INAFM1: variants seen among roughly 807,000 people sequenced by gnomAD.
INAFM1 encodes the protein InaF motif containing 1.
A neutral mutation model predicts 9.4 loss-of-function variants in INAFM1; 11 were observed. The observed-to-expected ratio is 1.17, with a 90% CI of 0.74 to 1.94. The LOEUF is 1.94. Ranked by LOEUF, INAFM1 falls within the 30% of genes most tolerant of loss-of-function variation. INAFM1 has a pLI of 0.00. For synonymous variants in INAFM1, 161 were observed against 109.5 expected (o/e 1.47, Z -2.94); for missense variants, 318 against 221.6 (o/e 1.44, Z -2.76).
chr19:47,275,022 G>A lies in INAFM1; in HGVS notation c.103G>A (p.Ala35Thr), dbSNP rs1055395072. 6 of 1,486,036 alleles carry A rather than the reference G, an allele frequency of 4.0e-6. No homozygotes were observed. The African/African-American group carries it at 7.3e-5, about 18-fold the overall frequency. 92.1% of individuals were successfully genotyped at this position (1,486,036 alleles called of 1,614,324 possible). The change falls in exon 1 of 1, where the codon GCC becomes ACC. Residue 35 changes from alanine (A) to threonine (T), a missense_variant. By Grantham distance (58) the Ala-to-Thr change is moderately conservative. Coordinates refer to ENST00000552360, the MANE Select transcript of INAFM1 (RefSeq NM_178511.6). ...GRWLRLAPVCAYFLCVSLAAV... is the reference protein window; with the variant it reads ...GRWLRLAPVCTYFLCVSLAAV... Reference sequence around the variant, plus strand: ...CTGGCTGCGCTTGGCTCCGGTATGCGCCTACTTCCTCTGCGTCTCGCTAGC... The same window carrying A: ...CTGGCTGCGCTTGGCTCCGGTATGCACCTACTTCCTCTGCGTCTCGCTAGC...
chr19:47,275,563 A>G lies in INAFM1; in HGVS notation c.*215A>G, dbSNP rs1280161232. Reference sequence around the variant, plus strand: ...TGGTCAGGCCGGGTCCTCCACCATCAGGAAGATCCCATCCTGAGCTCTGTC... The same window carrying G: ...TGGTCAGGCCGGGTCCTCCACCATCGGGAAGATCCCATCCTGAGCTCTGTC... On this transcript the variant is annotated 3_prime_UTR_variant, in exon 1 of 1. Transcript: ENST00000552360. 6.5e-6 allele frequency: 4 copies of G among 615,498 alleles called. No individual in the cohort carries two copies. The highest frequency in any genetic ancestry group is 6.8e-5 in the East Asian group (2 of 29,400). The allele number at this position is 615,498 out of a possible 1,614,324, so 38.1% of individuals were successfully genotyped here.
Position 47,275,245 on chromosome 19 carries a change from T to G in INAFM1, c.326T>G (p.Leu109Arg). The G allele has an allele frequency of 6.5e-7, 1 of 1,537,100 alleles. No individual in the cohort carries two copies. The highest frequency in any genetic ancestry group is 8.8e-7 in the Non-Finnish European group (1 of 1,141,940). ...VPGGPRPQLQ[L>R]PLSRRRRYSD... ...GGCGGGCCGCGACCCCAGCTCCAGC[T>G]GCCGCTGAGCCGCCGCCGCCGCTAC... Residue 109 changes from leucine (L) to arginine (R), a missense_variant, in exon 1 of 1, where the codon CTG (leucine) becomes CGG (arginine). By Grantham distance (102) the Leu-to-Arg change is moderately radical. Coordinates refer to ENST00000552360, the MANE Select transcript of INAFM1 (RefSeq NM_178511.6).
Position 47,275,528 on chromosome 19 carries a change from A to G in INAFM1, c.*180A>G. On this transcript the variant is annotated 3_prime_UTR_variant, in exon 1 of 1. Coordinates refer to ENST00000552360, the MANE Select transcript of INAFM1 (RefSeq NM_178511.6). ...GTCAGCTCGGGGCCTTGCCTCTTGC[A>G]GCTACTCTGTGGTCAGGCCGGGTCC... 1.2e-6 allele frequency: 1 copy of G among 834,622 alleles called. No individual in the cohort carries two copies. Among genetic ancestry groups the G allele is most frequent in the Non-Finnish European group, 1.8e-6 (1 of 557,586 alleles). 51.7% of individuals were successfully genotyped at this position (834,622 alleles called of 1,614,324 possible).
In INAFM1 at chr19:47,275,631, G is replaced by A; in HGVS notation, c.*283G>A. The stretch of plus-strand genomic sequence containing the variant: ...TGGGATGCTGAGCACAGAGCCCACA[G>A]CCCATCTGCCTCTTCACCTCCCTGA... On this transcript the variant is annotated 3_prime_UTR_variant, in exon 1 of 1. Transcript: ENST00000552360. 2.1e-6 allele frequency: 1 copy of A among 477,620 alleles called. No homozygotes were observed. Among genetic ancestry groups the A allele is most frequent in the Non-Finnish European group, 3.8e-6 (1 of 263,476 alleles). 29.6% of individuals were successfully genotyped at this position (477,620 alleles called of 1,614,324 possible).
At position 47,275,196 on chromosome 19, in the gene INAFM1, CTCTCCTGCCTCCT is replaced by C. The variant is rs777149506; in HGVS notation, c.278_290del (p.Leu93ArgfsTer15). ...TGTCCCGGCGCCCGCCGCTGCCTCC[CTCTCCTGCCTCCT>C]GGGAGTCCCCGGCGGGCCGCGACCC... is the stretch of plus-strand genomic sequence containing the variant. On this transcript the variant is annotated frameshift_variant, in exon 1 of 1. Coordinates refer to ENST00000552360, the MANE Select transcript of INAFM1 (RefSeq NM_178511.6). LOFTEE classifies it high-confidence loss of function. The C allele has an allele frequency of 6.7e-7, 1 of 1,503,054 alleles. No individual in the cohort carries two copies. The highest frequency in any genetic ancestry group is 1.3e-5 in the South Asian group (1 of 79,788). The allele number at this position is 1,503,054 out of a possible 1,614,324, so 93.1% of individuals were successfully genotyped here. A position where few individuals can be genotyped will look rare whatever the true frequency, so the allele number is the denominator to read the frequency against.
chr19:47,275,156 C>CCCGGGCGTGCCGCCTGT lies in INAFM1; in HGVS notation c.240_256dup (p.Pro86ArgfsTer32). The CCCGGGCGTGCCGCCTGT allele has an allele frequency of 2.0e-6, 3 of 1,482,230 alleles. No homozygotes were observed. Among genetic ancestry groups the CCCGGGCGTGCCGCCTGT allele is most frequent in the Non-Finnish European group, 2.7e-6 (3 of 1,121,234 alleles). The allele number at this position is 1,482,230 out of a possible 1,614,324, so 91.8% of individuals were successfully genotyped here. On this transcript the variant is annotated frameshift_variant, in exon 1 of 1. Transcript: ENST00000552360. LOFTEE classifies it high-confidence loss of function. ...CGCCGTCCCCTCCGTGTGCTGCCCG[C>CCCGGGCGTGCCGCCTGT]CCGGGCGTGCCGCCTGTCCCGGCGC...
rs777859915 is a variant in INAFM1, at chr19:47,275,055, C to T, written c.136C>T (p.Leu46=). 28 of 1,493,754 alleles carry T rather than the reference C, an allele frequency of 1.9e-5. No homozygotes were observed. The highest frequency in any genetic ancestry group is 2.3e-5 in the Non-Finnish European group (26 of 1,125,530). The allele number at this position is 1,493,754 out of a possible 1,614,324, so 92.5% of individuals were successfully genotyped here. A position where few individuals can be genotyped will look rare whatever the true frequency, so the allele number is the denominator to read the frequency against. ...YFLCVSLAAV[L]LAVYYGLIWV... Reference sequence around the variant, plus strand: ...CCTCTGCGTCTCGCTAGCTGCCGTGCTGCTCGCCGTGTACTACGGTCTCAT... The same window carrying T: ...CCTCTGCGTCTCGCTAGCTGCCGTGTTGCTCGCCGTGTACTACGGTCTCAT... Residue 46 remains leucine, a synonymous_variant, in exon 1 of 1, where the codon CTG becomes TTG. Coordinates refer to ENST00000552360, the MANE Select transcript of INAFM1 (RefSeq NM_178511.6).
chr19:47,274,850 G>GGGTGGGGGCGGGGCCT (rs1222759965), upstream of INAFM1: 135 of 1,111,370 alleles, frequency 1.2e-4, no homozygotes, highest in Non-Finnish European at 1.3e-4. Context: ...GCGGTCTGCG[G>GGGTGGGGGCGGGGCCT]GGTGGGGGCG....
Position 47,275,152 on chromosome 19 carries a change from C to T in INAFM1, c.233C>T (p.Ala78Val). Reference protein sequence around the residue: ...QPSAPSPPCAARPGVPPVPAP... With the variant: ...QPSAPSPPCAVRPGVPPVPAP... ...AGCGCGCCGTCCCCTCCGTGTGCTG[C>T]CCGCCCGGGCGTGCCGCCTGTCCCG... Residue 78 changes from alanine (A) to valine (V), a missense_variant, in exon 1 of 1, where the codon GCC becomes GTC. Transcript: ENST00000552360. The T allele has an allele frequency of 2.7e-6, 4 of 1,485,600 alleles. No homozygotes were observed. Among genetic ancestry groups the T allele is most frequent in the South Asian group, 1.3e-5 (1 of 78,010 alleles). 92.0% of individuals were successfully genotyped at this position (1,485,600 alleles called of 1,614,324 possible). A position where few individuals can be genotyped will look rare whatever the true frequency, so the allele number is the denominator to read the frequency against.
At position 47,274,918 on chromosome 19, in the gene INAFM1, G is replaced by C; in HGVS notation, c.-2G>C. On this transcript the variant is annotated 5_prime_UTR_variant, in exon 1 of 1. Coordinates refer to ENST00000552360, the MANE Select transcript of INAFM1 (RefSeq NM_178511.6). The stretch of plus-strand genomic sequence containing the variant: ...CGGCGCGGAGCCGAGTGGGCTGCGG[G>C]GATGCGGGGGACCAGCTGCGTGGGC... 9 of 1,317,502 alleles carry C rather than the reference G, an allele frequency of 6.8e-6. No individual in the cohort carries two copies. The highest frequency in any genetic ancestry group is 8.6e-6 in the Non-Finnish European group (9 of 1,044,134). The allele number at this position is 1,317,502 out of a possible 1,614,324, so 81.6% of individuals were successfully genotyped here. A position where few individuals can be genotyped will look rare whatever the true frequency, so the allele number is the denominator to read the frequency against.
upstream of INAFM1, chr19:47,274,836 CGGGGCGGTCTGCGGGGTG>C (rs2059146165): frequency 1.1e-6 from 1 of 875,576 alleles, no homozygotes; most frequent in African/African-American, 5.7e-5. Flanking sequence ...GTTTAGAGAG[CGGGGCGGTCTGCGGGGTG>C]GGGGCGGGGC....
At position 47,275,033 on chromosome 19, in the gene INAFM1, C is replaced by T. The variant is rs1241389182; in HGVS notation, c.114C>T (p.Leu38=). 13 of 1,489,712 alleles carry T rather than the reference C, an allele frequency of 8.7e-6. No homozygotes were observed. Among genetic ancestry groups the T allele is most frequent in the Admixed American group, 4.5e-5 (2 of 44,580 alleles). 92.3% of individuals were successfully genotyped at this position (1,489,712 alleles called of 1,614,324 possible). A position where few individuals can be genotyped will look rare whatever the true frequency, so the allele number is the denominator to read the frequency against. The change falls in exon 1 of 1, where the codon CTC becomes CTT. Residue 38 remains leucine (L), a synonymous_variant. Coordinates refer to ENST00000552360, the MANE Select transcript of INAFM1 (RefSeq NM_178511.6). ...LRLAPVCAYF[L]CVSLAAVLLA... ...TGGCTCCGGTATGCGCCTACTTCCT[C>T]TGCGTCTCGCTAGCTGCCGTGCTGC...
At chr19:47,274,824 C>T (rs1449446375), upstream of INAFM1, 171 of 813,410 alleles carry the variant, frequency 2.1e-4, 3 homozygotes, top group South Asian at 8.5e-3. Context: ...CGGAGGCGGG[C>T]GGTTTAGAGA....
Position 47,275,084 on chromosome 19 carries a change from G to C in INAFM1, c.165G>C (p.Trp55Cys). ...VLLAVYYGLI[W>C]VPTRSPAAPA... ...TCGCCGTGTACTACGGTCTCATCTG[G>C]GTACCCACGCGGTCTCCCGCGGCAC... The change falls in exon 1 of 1, where the codon TGG (tryptophan) becomes TGC (cysteine). Residue 55 changes from tryptophan (W) to cysteine (C), a missense_variant. By Grantham distance (215) the Trp-to-Cys change is radical (BLOSUM62 -2). Coordinates refer to ENST00000552360, the MANE Select transcript of INAFM1 (RefSeq NM_178511.6). 2 of 1,495,946 alleles carry C rather than the reference G, an allele frequency of 1.3e-6. No individual in the cohort carries two copies. The highest frequency in any genetic ancestry group is 2.9e-5 in the African/African-American group (2 of 68,696). The allele number at this position is 1,495,946 out of a possible 1,614,324, so 92.7% of individuals were successfully genotyped here.
rs753747845 is a variant in INAFM1, at chr19:47,275,193, T to A, written c.274T>A (p.Ser92Thr). Residue 92 changes from serine (S) to threonine (T), a missense_variant, in exon 1 of 1, where the codon TCC becomes ACC. By Grantham distance (58) the Ser-to-Thr change is moderately conservative. Transcript: ENST00000552360. Reference protein sequence around the residue: ...VPPVPAPAAASLSCLLGVPGG... With the variant: ...VPPVPAPAAATLSCLLGVPGG... ...GCCTGTCCCGGCGCCCGCCGCTGCC[T>A]CCCTCTCCTGCCTCCTGGGAGTCCC... 1 of 1,498,426 alleles carries A rather than the reference T, an allele frequency of 6.7e-7. No individual in the cohort carries two copies. Among genetic ancestry groups the A allele is most frequent in the South Asian group, 1.3e-5 (1 of 79,062 alleles). 92.8% of individuals were successfully genotyped at this position (1,498,426 alleles called of 1,614,324 possible). A position where few individuals can be genotyped will look rare whatever the true frequency, so the allele number is the denominator to read the frequency against.
rs987706439 is a variant in INAFM1, at chr19:47,275,384, C to G, written c.*36C>G. On this transcript the variant is annotated 3_prime_UTR_variant, in exon 1 of 1. Coordinates refer to ENST00000552360, the MANE Select transcript of INAFM1 (RefSeq NM_178511.6). ...CACCCCAACCCGGATCGCCAGCCCT[C>G]GAGAGCTCTGTGCTCCACGCCGAGG... 8 of 1,526,462 alleles carry G rather than the reference C, an allele frequency of 5.2e-6. No individual in the cohort carries two copies. Among genetic ancestry groups the G allele is most frequent in the Non-Finnish European group, 7.0e-6 (8 of 1,135,906 alleles). The allele number at this position is 1,526,462 out of a possible 1,614,324, so 94.6% of individuals were successfully genotyped here.
rs1366207917 is a variant in INAFM1, at chr19:47,275,283, C to T, written c.364C>T (p.Arg122Cys). The change falls in exon 1 of 1, where the codon CGC becomes TGC. Residue 122 changes from arginine (R) to cysteine (C), a missense_variant. By Grantham distance (180) the Arg-to-Cys change is radical. Coordinates refer to ENST00000552360, the MANE Select transcript of INAFM1 (RefSeq NM_178511.6). ...CCGCCGCCGCTACAGCGACCCTGAC[C>T]GCCGTCCGAGCCGCCAGACACCCAG... ...SRRRRYSDPD[R>C]RPSRQTPRET... The T allele has an allele frequency of 4.5e-6, 7 of 1,545,770 alleles. No homozygotes were observed. In the African/African-American group the frequency reaches 9.7e-5, roughly 21 times the overall value.
rs1055497890 is a variant in INAFM1, at chr19:47,275,433, G to A, written c.*85G>A. ...GGATGCACCGTCTCTGGATTGGTCC[G>A]GCCTTCTTCCTAATGACATCGCTCA... On this transcript the variant is annotated 3_prime_UTR_variant, in exon 1 of 1. Coordinates refer to ENST00000552360, the MANE Select transcript of INAFM1 (RefSeq NM_178511.6). The A allele has an allele frequency of 9.0e-6, 13 of 1,446,634 alleles. No homozygotes were observed. In the African/African-American group the frequency reaches 1.3e-4, roughly 15 times the overall value. The allele number at this position is 1,446,634 out of a possible 1,614,324, so 89.6% of individuals were successfully genotyped here. A position where few individuals can be genotyped will look rare whatever the true frequency, so the allele number is the denominator to read the frequency against.
upstream of INAFM1, chr19:47,274,516 GC>G (rs1216431996): frequency 1.2e-5 from 2 of 162,342 alleles, no homozygotes; most frequent in Non-Finnish European, 2.6e-5. Context: ...AGTGAGACTG[GC>G]TGCGGCACAG....
Sources: gnomAD v4.1 joint callset for allele counts on GRCh38, gnomAD v4.1.1 for gene constraint, MANE v1.5 for transcripts, NCBI Gene and HGNC (gene_info 2026-07-23, HGNC 2026-07-21) for gene names.